TMCC1: variants seen among roughly 807,000 people sequenced by gnomAD.
TMCC1 encodes transmembrane and coiled-coil domains protein 1.
A neutral mutation model predicts 52.4 loss-of-function variants in TMCC1; 15 were observed. The observed-to-expected ratio is 0.29, with a 90% CI of 0.19 to 0.44. The LOEUF (loss-of-function observed/expected upper bound fraction) is 0.44. Among genes scored for constraint, TMCC1 ranks in the 20% least tolerant of loss-of-function variants. The pLI, the probability that TMCC1 is intolerant of heterozygous loss-of-function variation, is 1.00. For missense variants in TMCC1, 503 were observed against 806.0 expected, an observed-to-expected ratio of 0.62 and a Z score of 4.55; for synonymous variants, 279 against 301.9, an observed-to-expected ratio of 0.92 and a Z score of 0.79.
chr3:129,818,012 G>A (rs562065964), intron 4 of TMCC1, among the ~76,000 whole-genome samples: 1 of 152,238 alleles, frequency 6.6e-6, no homozygotes, highest in African/African-American at 2.4e-5. Context: ...GTCTCACCAT[G>A]TTGGCCAGGC....
chr3:129,703,981 A>C (rs1369033061), intron 4 of TMCC1, among the ~76,000 whole-genome samples: 1 of 152,226 alleles, frequency 6.6e-6, no homozygotes, highest in Non-Finnish European at 1.5e-5. Context: ...AGATTACTAA[A>C]ACATGATAGG....
chr3:129,852,261 A>T (rs1226267702), intron 2 of TMCC1, among the ~76,000 whole-genome samples: 5 of 152,158 alleles, frequency 3.3e-5, no homozygotes, highest in African/African-American at 1.2e-4. Flanking sequence ...ATTTGAGACC[A>T]GCCTGGCCTA....
intron 4 of TMCC1, among the ~76,000 whole-genome samples, chr3:129,759,585 GTT>G (rs368094253): frequency 7.3e-6 from 1 of 136,310 alleles, no homozygotes; most frequent in Non-Finnish European, 1.5e-5. Flanking sequence ...ATTTTTGAGA[GTT>G]TTTTTTTTTT....
intron 4 of TMCC1, among the ~76,000 whole-genome samples, chr3:129,793,757 C>A (rs1362324034): frequency 1.3e-5 from 2 of 152,180 alleles, no homozygotes; most frequent in African/African-American, 2.4e-5. Flanking sequence ...ACACATGGAA[C>A]CTGCTTTTCA....
At chr3:129,735,627 C>CTG in intron 4 of TMCC1, among the ~76,000 whole-genome samples, 1 of 136,018 alleles carries the variant, frequency 7.4e-6, no homozygotes, top group African/African-American at 2.8e-5. Flanking sequence ...CCAGCCTGGG[C>CTG]GACAGAGCCA....
At chr3:129,881,380 T>C (rs1203231761) in intron 1 of TMCC1, among the ~76,000 whole-genome samples, 1 of 152,166 alleles carries the variant, frequency 6.6e-6, no homozygotes, top group Non-Finnish European at 1.5e-5. Flanking sequence ...CAACGAATCA[T>C]AGATAAATAT....
intron 4 of TMCC1, among the ~76,000 whole-genome samples, chr3:129,772,260 T>C (rs1190543575): frequency 2.0e-5 from 3 of 152,136 alleles, no homozygotes; most frequent in South Asian, 2.1e-4. Context: ...GGTGGGAGGA[T>C]TGCTTAAAGC....
At chr3:129,702,646 G>C (rs2047924638) in intron 4 of TMCC1, among the ~76,000 whole-genome samples, 1 of 151,900 alleles carries the variant, frequency 6.6e-6, no homozygotes, top group Non-Finnish European at 1.5e-5. Flanking sequence ...CAAATCCCAG[G>C]TGAACAACAT....
intron 2 of TMCC1, among the ~76,000 whole-genome samples, chr3:129,837,183 G>A (rs2059197776): frequency 6.6e-6 from 1 of 152,082 alleles, no homozygotes; most frequent in Non-Finnish European, 1.5e-5. Context: ...GAAGGGAATA[G>A]TCTTCTGAAG....
intron 1 of TMCC1, among the ~76,000 whole-genome samples, chr3:129,887,499 G>A (rs1332649220): frequency 1.4e-5 from 2 of 144,774 alleles, no homozygotes; most frequent in Non-Finnish European, 1.5e-5. Context: ...CCAAGATCGC[G>A]CCACTGCACT....
intron 4 of TMCC1, among the ~76,000 whole-genome samples, chr3:129,764,612 C>T (rs2107686154): frequency 6.6e-6 from 1 of 151,730 alleles, no homozygotes; most frequent in Middle Eastern, 3.4e-3. Flanking sequence ...AATGATAAAG[C>T]ATTCATCAAC....
chr3:129,817,306 G>A (rs1021788550), intron 4 of TMCC1, among the ~76,000 whole-genome samples: 47 of 151,842 alleles, frequency 3.1e-4, no homozygotes, highest in Admixed American at 3.0e-3. Context: ...AGAGTCGGCC[G>A]GGTGTGGTGG....
chr3:129,795,924 A>G (rs2056792857), intron 4 of TMCC1, among the ~76,000 whole-genome samples: 1 of 152,188 alleles, frequency 6.6e-6, no homozygotes, highest in African/African-American at 2.4e-5. Flanking sequence ...AATGGTCACA[A>G]AGCACAAGAG....
chr3:129,708,446 T>A (rs62265560), intron 4 of TMCC1, among the ~76,000 whole-genome samples: 2 of 152,102 alleles, frequency 1.3e-5, no homozygotes, highest in Non-Finnish European at 2.9e-5. Flanking sequence ...GTAGTTTGCA[T>A]CCTGTTTGCT....
intron 4 of TMCC1, among the ~76,000 whole-genome samples, chr3:129,802,679 T>C (rs767162307): frequency 6.6e-6 from 1 of 152,178 alleles, no homozygotes; most frequent in South Asian, 2.1e-4. Flanking sequence ...ACAGTATTCC[T>C]GTGAAAGGAG....
At chr3:129,762,802 A>C (rs1401534576) in intron 4 of TMCC1, among the ~76,000 whole-genome samples, 1 of 152,090 alleles carries the variant, frequency 6.6e-6, no homozygotes, top group East Asian at 1.9e-4. Flanking sequence ...TCTAAATATA[A>C]ATATATTAGA....
intron 4 of TMCC1, among the ~76,000 whole-genome samples, chr3:129,678,358 TC>T (rs2088650170): frequency 3.8e-5 from 3 of 79,522 alleles, no homozygotes; most frequent in African/African-American, 1.3e-4. Flanking sequence ...ATTGTTTAAT[TC>T]TTTTTTTTTT....
Position 129,809,968 on chromosome 3 carries a change from AAAC to A in TMCC1, c.576+17832_576+17834del, listed in dbSNP as rs1384522385. ...GAGCTACAAATCCTCATAACAATGAAAACAACATGTGAAAGTCAAACTTGTCTT... is the reference window on the plus strand; with the variant it reads ...GAGCTACAAATCCTCATAACAATGAAAACATGTGAAAGTCAAACTTGTCTT... On this transcript the variant is annotated intron_variant, in intron 4 of 6. Coordinates refer to ENST00000393238, the MANE Select transcript of TMCC1 (RefSeq NM_001017395.5). Among the ~76,000 whole-genome samples the A allele has an allele frequency of 2.0e-5, 3 of 152,344 alleles. No individual in the cohort carries two copies. The East Asian group carries it at 5.8e-4, about 29-fold the overall frequency.
chr3:129,671,014 C>T lies in TMCC1; in HGVS notation c.827G>A (p.Arg276His). The T allele has an allele frequency of 1.9e-6, 3 of 1,614,170 alleles. No individual in the cohort carries two copies. The highest frequency in any genetic ancestry group is 1.7e-6 in the Non-Finnish European group (2 of 1,180,038). Reference sequence around the variant, plus strand: ...CTTCTTCTCAAAGACTTGCTTGATGCGGGCAGCCTGCTGTTTGTCTGCACT... The same window carrying T: ...CTTCTTCTCAAAGACTTGCTTGATGTGGGCAGCCTGCTGTTTGTCTGCACT... Reference protein sequence around the residue: ...ANSADKQQAARIKQVFEKKNQ... With the variant: ...ANSADKQQAAHIKQVFEKKNQ... Residue 276 changes from arginine to histidine, a missense_variant, in exon 5 of 7, where the codon CGC becomes CAC. Transcript: ENST00000393238.
Sources: gnomAD v4.1 joint callset for allele counts (sites outside exome capture counted in the v4.1 genomes callset) on GRCh38, gnomAD v4.1.1 for gene constraint, MANE v1.5 for transcripts, NCBI Gene and HGNC (gene_info 2026-07-23, HGNC 2026-07-21) for gene names.